Variants in PCDHGA9 observed in about 807,000 individuals in gnomAD.
PCDHGA9 encodes protocadherin gamma subfamily A, 9.
In PCDHGA9, 37 loss-of-function variants were observed where a neutral mutation model predicts 62.5. The ratio of observed to expected loss-of-function variants is 0.59; its 90% CI spans 0.46 to 0.78. PCDHGA9 has a LOEUF of 0.78. PCDHGA9 is among the 30% of genes least tolerant of loss of function. PCDHGA9 has a pLI of 0.00. For synonymous variants in PCDHGA9, 459 were observed against 484.6 expected, an observed-to-expected ratio of 0.95 and a Z score of 0.69; for missense variants, 1,138 against 1,166.2, an observed-to-expected ratio of 0.98 and a Z score of 0.35.
At chr5:141,408,894 C>A (rs778126197) in intron 1 of PCDHGA9, 1 of 1,613,304 alleles carries the variant, frequency 6.2e-7, no homozygotes, top group East Asian at 2.2e-5. Flanking sequence ...ATAGAAATTT[C>A]TGTCAAGGAT....
chr5:141,495,205 C>T (rs977479495), intron 2 of PCDHGA9, among the ~76,000 whole-genome samples: 1 of 152,212 alleles, frequency 6.6e-6, no homozygotes, highest in African/African-American at 2.4e-5. Flanking sequence ...TACTGCCTAA[C>T]CCCCTCCCCT....
chr5:141,472,673 C>T (rs2099292538), intron 1 of PCDHGA9, among the ~76,000 whole-genome samples: 3 of 151,340 alleles, frequency 2.0e-5, no homozygotes, highest in Admixed American at 2.0e-4. Context: ...GTATACTGGT[C>T]CTTCCATTTC....
intron 1 of PCDHGA9, among the ~76,000 whole-genome samples, chr5:141,448,016 G>A (rs903673535): frequency 6.6e-6 from 1 of 152,006 alleles, no homozygotes; most frequent in South Asian, 2.1e-4. Context: ...AACCCAGGAG[G>A]TGGAGGTTGC....
At chr5:141,413,267 GA>G in intron 1 of PCDHGA9, 1 of 1,613,960 alleles carries the variant, frequency 6.2e-7, no homozygotes, top group Non-Finnish European at 8.5e-7. Flanking sequence ...TGGGAGGCTG[GA>G]GCCCGGCAGA....
intron 1 of PCDHGA9, chr5:141,428,239 G>T (rs1183885220): frequency 3.0e-6 from 3 of 997,526 alleles, no homozygotes; most frequent in Non-Finnish European, 4.6e-6. Flanking sequence ...CCTGCAGGAG[G>T]CACTGCCAGA....
intron 1 of PCDHGA9, among the ~76,000 whole-genome samples, chr5:141,473,107 C>A (rs2099314182): frequency 6.6e-6 from 1 of 152,134 alleles, no homozygotes; most frequent in Admixed American, 6.5e-5. Flanking sequence ...TATTACCACA[C>A]TTTACTTGGC....
rs1025985501 is a variant in PCDHGA9 at position 141,432,385 on chromosome 5, C to G, written c.2424+27009C>G. 2.5e-6 allele frequency: 4 copies of G among 1,614,138 alleles called. No homozygotes were observed. In the African/African-American group the frequency reaches 5.3e-5, roughly 22 times the overall value. Reference sequence around the variant, plus strand: ...CGCGGGACAACGGGCACCCGCCCCTCAGCAGCAACGTGTCGTTGAGCCTGT... The same window carrying G: ...CGCGGGACAACGGGCACCCGCCCCTGAGCAGCAACGTGTCGTTGAGCCTGT... On this transcript the variant is annotated intron_variant, in intron 1 of 3. Transcript: ENST00000573521. The surrounding 1 kb of genome is among the most constrained non-coding windows in gnomAD (Gnocchi z 6.0).
intron 1 of PCDHGA9, chr5:141,430,668 C>T (rs538633559): frequency 1.6e-6 from 2 of 1,243,872 alleles, no homozygotes; most frequent in East Asian, 2.5e-5. Context: ...GGAGCTCTGA[C>T]TTCCCAACTG....
Position 141,403,186 on chromosome 5 carries a change from C to G in PCDHGA9, c.234C>G (p.Asn78Lys). ...GTAGGACGCAGCTTTTCTCTCTGAA[C>G]CCGCGCAGCGGCACCTTGGTCACCG... is the stretch of plus-strand genomic sequence containing the variant. ...SRGRTQLFSL[N>K]PRSGTLVTAG... is the part of the protein sequence containing the mutation. Residue 78 changes from asparagine to lysine, a missense_variant, in exon 1 of 4, where the codon AAC becomes AAG. Physicochemically the swap from Asn to Lys is moderately conservative, Grantham distance 94. Transcript: ENST00000573521. 2 of 1,614,012 alleles carry G rather than the reference C, an allele frequency of 1.2e-6. No homozygotes were observed. The highest frequency in any genetic ancestry group is 1.7e-6 in the Non-Finnish European group (2 of 1,179,918).
chr5:141,421,425 C>T, intron 1 of PCDHGA9: 1 of 1,614,100 alleles, frequency 6.2e-7, no homozygotes, highest in Non-Finnish European at 8.5e-7. Context: ...GCGGAGTCCG[C>T]ATCGTCTCCA....
At position 141,432,782 on chromosome 5, in the gene PCDHGA9, C is replaced by G. The variant is rs547164205; in HGVS notation, c.2424+27406C>G. On this transcript the variant is annotated intron_variant, in intron 1 of 3. Transcript: ENST00000573521. The surrounding 1 kb of genome is among the most constrained non-coding windows in gnomAD (Gnocchi z 6.0). ...CAGCATCCCCCAAGTCCTGGCGGACCTCGGCAGCCTCGAGTCTCCAGCTAA... is the reference window on the plus strand; with the variant it reads ...CAGCATCCCCCAAGTCCTGGCGGACGTCGGCAGCCTCGAGTCTCCAGCTAA... 4.3e-6 allele frequency: 7 copies of G among 1,614,046 alleles called. No individual in the cohort carries two copies. The highest frequency in any genetic ancestry group is 3.3e-4 in the Middle Eastern group (2 of 6,084).
At position 141,476,669 on chromosome 5, in the gene PCDHGA9, C is replaced by G; in HGVS notation, c.2425-18138C>G. ...AAATGAATACTTTGCGCTTCGCGTGCAGACGCGGGAGGACAGCACCAAGTA... is the reference window on the plus strand; with the variant it reads ...AAATGAATACTTTGCGCTTCGCGTGGAGACGCGGGAGGACAGCACCAAGTA... On this transcript the variant is annotated intron_variant, in intron 1 of 3. Coordinates refer to ENST00000573521, the MANE Select transcript of PCDHGA9 (RefSeq NM_018921.3). This position sits in a 1 kb window ranked among gnomAD's most constrained non-coding sequence, Gnocchi z 7.6. 6.2e-7 allele frequency: 1 copy of G among 1,614,246 alleles called. No individual in the cohort carries two copies. The highest frequency in any genetic ancestry group is 1.1e-5 in the South Asian group (1 of 91,086).
chr5:141,417,023 T>C (rs2096074487), intron 1 of PCDHGA9: 1 of 139,106 alleles, frequency 7.2e-6, no homozygotes, highest in South Asian at 2.3e-4. Flanking sequence ...TTTTGAAAAA[T>C]ACAGGTTTTT....
chr5:141,431,932 C>T lies in PCDHGA9; in HGVS notation c.2424+26556C>T. 2 of 1,614,172 alleles carry T rather than the reference C, an allele frequency of 1.2e-6. No individual in the cohort carries two copies. The highest frequency in any genetic ancestry group is 1.7e-6 in the Non-Finnish European group (2 of 1,180,002). On this transcript the variant is annotated intron_variant, in intron 1 of 3. Coordinates refer to ENST00000573521, the MANE Select transcript of PCDHGA9 (RefSeq NM_018921.3). This position sits in a 1 kb window ranked among gnomAD's most constrained non-coding sequence, Gnocchi z 4.8. The stretch of plus-strand genomic sequence containing the variant: ...TCTGTTTCATCCAAGGAAATCTGCC[C>T]TTTAAATTAGAAAAATCTTACGGAA...
Position 141,432,169 on chromosome 5 carries a change from C to T in PCDHGA9, c.2424+26793C>T. On this transcript the variant is annotated intron_variant, in intron 1 of 3. Transcript: ENST00000573521. The surrounding 1 kb of genome is among the most constrained non-coding windows in gnomAD (Gnocchi z 6.0). ...CAGAGAACAATCCCAGAGGAGTTTCCCTCGTCTCTGTGACCGCCCACGACC... is the reference window on the plus strand; with the variant it reads ...CAGAGAACAATCCCAGAGGAGTTTCTCTCGTCTCTGTGACCGCCCACGACC... The T allele has an allele frequency of 6.2e-7, 1 of 1,614,204 alleles. No homozygotes were observed. The highest frequency in any genetic ancestry group is 1.6e-4 in the Middle Eastern group (1 of 6,062).
intron 1 of PCDHGA9, among the ~76,000 whole-genome samples, chr5:141,452,578 C>T (rs2098744735): frequency 6.6e-6 from 1 of 152,150 alleles, no homozygotes; most frequent in African/African-American, 2.4e-5. Flanking sequence ...TCCCCCTTTC[C>T]ATCTTTGTAT....
chr5:141,407,425 CTT>C (rs1307911949), intron 1 of PCDHGA9, among the ~76,000 whole-genome samples: 3 of 151,864 alleles, frequency 2.0e-5, no homozygotes, highest in African/African-American at 4.8e-5. Context: ...AAAAATGTCT[CTT>C]GCCCTTAAAA....
chr5:141,466,646 T>C (rs954003023), intron 1 of PCDHGA9, among the ~76,000 whole-genome samples: 11 of 152,210 alleles, frequency 7.2e-5, no homozygotes, highest in African/African-American at 2.4e-4. Context: ...CATAAACTTT[T>C]CACAAAACAT....
intron 1 of PCDHGA9, chr5:141,418,363 C>T (rs147423305): frequency 4.4e-4 from 703 of 1,613,984 alleles, no homozygotes; most frequent in Non-Finnish European, 5.5e-4. Flanking sequence ...ATTCGCTGAG[C>T]AAATACCAAC....
Sources: gnomAD v4.1 joint callset for allele counts (sites outside exome capture counted in the v4.1 genomes callset) on GRCh38, gnomAD v4.1.1 for gene constraint, Gnocchi (gnomAD v3.1) non-coding constraint, MANE v1.5 for transcripts, NCBI Gene and HGNC (gene_info 2026-07-23, HGNC 2026-07-21) for gene names.